Variants in EBF3 observed in about 807,000 individuals in gnomAD.
EBF3 encodes EBF transcription factor 3, also known as transcription factor COE3.
A neutral mutation model predicts 77.1 loss-of-function variants in EBF3; 18 were observed. That is an observed-to-expected ratio of 0.23 (90% CI 0.16 to 0.35). EBF3 has a LOEUF of 0.35. EBF3 is among the 10% of genes least tolerant of loss of function. The pLI is 1.00. For missense variants in EBF3, 558 were observed against 860.0 expected (o/e 0.65, Z 4.39); for synonymous variants, 350 against 343.5 (o/e 1.02, Z -0.21).
chr10:129,874,053 C>T (rs1026311037), intron 7 of EBF3, among the ~76,000 whole-genome samples: 10 of 152,204 alleles, frequency 6.6e-5, no homozygotes, highest in Non-Finnish European at 1.3e-4. Context: ...AAAAAGGCTT[C>T]ATAAATCAGG....
intron 6 of EBF3, among the ~76,000 whole-genome samples, chr10:129,901,065 A>C (rs1480770502): frequency 6.6e-6 from 1 of 152,230 alleles, no homozygotes; most frequent in Non-Finnish European, 1.5e-5. Context: ...ACGCCCTCTG[A>C]TAAGAACCAT....
chr10:129,889,082 G>C (rs1050408691), intron 6 of EBF3, among the ~76,000 whole-genome samples: 3 of 152,206 alleles, frequency 2.0e-5, no homozygotes, highest in African/African-American at 7.2e-5. Flanking sequence ...ACCAGCAGCT[G>C]TCCACAAGGC....
chr10:129,839,828 G>A (rs1157438777), intron 15 of EBF3, among the ~76,000 whole-genome samples: 1 of 152,178 alleles, frequency 6.6e-6, no homozygotes, highest in Non-Finnish European at 1.5e-5. Flanking sequence ...CAGGCTGCAA[G>A]CCCAGGAGCT....
intron 6 of EBF3, among the ~76,000 whole-genome samples, chr10:129,932,895 C>CT (rs35568967): frequency 0.63 from 79,152 of 126,388 alleles, 25,380 homozygotes; most frequent in East Asian, 0.87. Flanking sequence ...CTTTTTTTTC[C>CT]TTTTTTTTTT....
At chr10:129,922,111 G>T (rs1049617160) in intron 6 of EBF3, among the ~76,000 whole-genome samples, 6 of 152,192 alleles carry the variant, frequency 3.9e-5, no homozygotes, top group Admixed American at 3.9e-4. Context: ...GCTCATGCCA[G>T]CCCTGCCTCG....
intron 6 of EBF3, among the ~76,000 whole-genome samples, chr10:129,929,290 C>T (rs899970336): frequency 6.6e-6 from 1 of 152,094 alleles, no homozygotes; most frequent in African/African-American, 2.4e-5. Flanking sequence ...CTGCAACCTG[C>T]ACCTCCCGGG....
At chr10:129,923,703 C>G (rs1016594624) in intron 6 of EBF3, among the ~76,000 whole-genome samples, 2 of 152,124 alleles carry the variant, frequency 1.3e-5, no homozygotes, top group African/African-American at 4.8e-5. Flanking sequence ...TAAAAGAAAA[C>G]AGAGGGCAAA....
At position 129,866,455 on chromosome 10, in the gene EBF3, G is replaced by A. The variant is rs150242203; in HGVS notation, c.1039+686C>T. 7.5e-3 allele frequency among the ~76,000 whole-genome samples: 1,143 copies of A among 152,322 alleles called. 17 individuals are homozygous for A. The highest frequency in any genetic ancestry group is 0.021 in the African/African-American group (877 of 41,562). The stretch of plus-strand genomic sequence containing the variant: ...TACGGCATTTCTCAACAGCAATCCC[G>A]AACAAGTGGGGCTAATTCAGCCCTT... On this transcript the variant is annotated intron_variant, in intron 10 of 16. Transcript: ENST00000440978.
intron 6 of EBF3, among the ~76,000 whole-genome samples, chr10:129,920,560 G>A: frequency 6.6e-6 from 1 of 152,340 alleles, no homozygotes; most frequent in Middle Eastern, 3.4e-3. Context: ...CCACTGATGG[G>A]ATAGAATTTC....
intron 6 of EBF3, among the ~76,000 whole-genome samples, chr10:129,889,735 G>A (rs1245188775): frequency 2.0e-5 from 3 of 149,516 alleles, no homozygotes; most frequent in African/African-American, 4.9e-5. Context: ...TGAATGTCCT[G>A]TTGGGTGCAG....
intron 6 of EBF3, among the ~76,000 whole-genome samples, chr10:129,888,165 C>A (rs1853746811): frequency 6.6e-6 from 1 of 152,228 alleles, no homozygotes; most frequent in Non-Finnish European, 1.5e-5. Flanking sequence ...GCGTCACGCC[C>A]TCCGCGTGAT....
intron 4 of EBF3, among the ~76,000 whole-genome samples, chr10:129,961,337 G>A (rs974420697): frequency 1.3e-5 from 2 of 152,152 alleles, no homozygotes; most frequent in Non-Finnish European, 2.9e-5. Context: ...TTAAGAAAAT[G>A]GGGGCGGGGG....
intron 6 of EBF3, among the ~76,000 whole-genome samples, chr10:129,923,797 T>C (rs930063975): frequency 6.6e-6 from 1 of 152,194 alleles, no homozygotes; most frequent in Non-Finnish European, 1.5e-5. Context: ...AATTTGGACT[T>C]CATGAAAATT....
intron 7 of EBF3, among the ~76,000 whole-genome samples, chr10:129,876,338 A>G (rs933642618): frequency 6.6e-6 from 1 of 152,248 alleles, no homozygotes; most frequent in African/African-American, 2.4e-5. Flanking sequence ...CGCTGTGTTC[A>G]GTCATTGGTG....
chr10:129,860,185 G>T (rs1022750104), intron 10 of EBF3, among the ~76,000 whole-genome samples: 2 of 152,038 alleles, frequency 1.3e-5, no homozygotes, highest in African/African-American at 4.8e-5. Context: ...GCTGTTTTCA[G>T]AAGCACGTCC....
chr10:129,939,471 T>A (rs1215327224), intron 6 of EBF3, among the ~76,000 whole-genome samples: 3 of 152,256 alleles, frequency 2.0e-5, no homozygotes, highest in African/African-American at 7.2e-5. Flanking sequence ...CTGGGCAATG[T>A]TCTGACTATG....
At chr10:129,904,182 C>G (rs1182586838) in intron 6 of EBF3, among the ~76,000 whole-genome samples, 1 of 152,192 alleles carries the variant, frequency 6.6e-6, no homozygotes, top group African/African-American at 2.4e-5. Context: ...ATCTTCATAG[C>G]CAGGACCCCA....
intron 6 of EBF3, among the ~76,000 whole-genome samples, chr10:129,891,954 C>T (rs1020492545): frequency 1.3e-5 from 2 of 152,228 alleles, no homozygotes; most frequent in African/African-American, 4.8e-5. Context: ...TGGCTAAACC[C>T]GTCCCAATCT....
At chr10:129,894,709 T>C (rs541366672) in intron 6 of EBF3, among the ~76,000 whole-genome samples, 1 of 152,342 alleles carries the variant, frequency 6.6e-6, no homozygotes, top group East Asian at 1.9e-4. Flanking sequence ...GGGCAGACTC[T>C]TCCAGAAAAC....
Sources: gnomAD v4.1 joint callset for allele counts (sites outside exome capture counted in the v4.1 genomes callset) on GRCh38, gnomAD v4.1.1 for gene constraint, MANE v1.5 for transcripts, NCBI Gene and HGNC (gene_info 2026-07-23, HGNC 2026-07-21) for gene names.